Variants in IPO8 observed in about 807,000 individuals in gnomAD.
The protein encoded by IPO8 is importin-8.
In IPO8, 65 loss-of-function variants were observed where a neutral mutation model predicts 141.2. That is an observed-to-expected ratio of 0.46 (90% CI 0.38 to 0.57). The LOEUF is 0.57. Ranked by LOEUF, IPO8 falls within the 20% of genes least tolerant of loss-of-function variation. The probability of loss-of-function intolerance (pLI) is 0.00; values close to 1 mark genes in which losing one functional copy is unlikely to be tolerated. For missense variants in IPO8, 980 were observed against 1,246.8 expected, an observed-to-expected ratio of 0.79 and a Z score of 3.22; for synonymous variants, 411 against 420.3, an observed-to-expected ratio of 0.98 and a Z score of 0.27.
intron 20 of IPO8, 110 bp from the exon 21 acceptor site, chr12:30,639,845 G>A: frequency 1.4e-6 from 1 of 716,520 alleles, no homozygotes; most frequent in Non-Finnish European, 2.4e-6. Flanking sequence ...TAATGGCAAT[G>A]AGACTTTTGA....
At chr12:30,645,031 A>G (rs1168490384) in intron 20 of IPO8, among the ~76,000 whole-genome samples, 1 of 152,162 alleles carries the variant, frequency 6.6e-6, no homozygotes, top group African/African-American at 2.4e-5. Flanking sequence ...AAAGAAAGCT[A>G]TGAGACAATA....
At chr12:30,683,211 A>G (rs1363999114) in intron 3 of IPO8, among the ~76,000 whole-genome samples, 1 of 152,212 alleles carries the variant, frequency 6.6e-6, no homozygotes, top group Non-Finnish European at 1.5e-5. Context: ...ATGGTACCAC[A>G]GGGGTATCAG....
At chr12:30,660,972 T>C (rs1409234790) in intron 16 of IPO8, among the ~76,000 whole-genome samples, 169 bp downstream of exon 16, 1 of 151,056 alleles carries the variant, frequency 6.6e-6, no homozygotes, top group Non-Finnish European at 1.5e-5. Context: ...TATTATAATG[T>C]TACTCAGTCA....
chr12:30,665,336 C>T (rs1256727726), intron 12 of IPO8, 27 bp from the exon 13 acceptor site: 29 of 1,309,792 alleles, frequency 2.2e-5, no homozygotes, highest in Non-Finnish European at 2.8e-5. Flanking sequence ...TTCAACTTAT[C>T]AATTTCTTTT....
intron 3 of IPO8, among the ~76,000 whole-genome samples, chr12:30,682,139 C>T (rs1321364446): frequency 3.3e-5 from 5 of 152,150 alleles, no homozygotes; most frequent in Admixed American, 6.5e-5. Context: ...GTAAAATTTC[C>T]AGCTTATTAT....
At chr12:30,683,595 G>A (rs1247261101) in intron 3 of IPO8, among the ~76,000 whole-genome samples, 1 of 152,130 alleles carries the variant, frequency 6.6e-6, no homozygotes, top group Non-Finnish European at 1.5e-5. Flanking sequence ...CAATAGAGCA[G>A]CTGCTAGTTA....
chr12:30,679,203 C>A (rs1046544596), intron 5 of IPO8, among the ~76,000 whole-genome samples: 1 of 152,140 alleles, frequency 6.6e-6, no homozygotes, highest in South Asian at 2.1e-4. Flanking sequence ...CTTATGTCAG[C>A]ATTGTAATAG....
intron 21 of IPO8, among the ~76,000 whole-genome samples, chr12:30,637,555 C>T (rs1235038721): frequency 6.6e-6 from 1 of 152,150 alleles, no homozygotes; most frequent in Non-Finnish European, 1.5e-5. Flanking sequence ...GTTTCTTAGA[C>T]TCTTCCAACA....
intron 2 of IPO8, among the ~76,000 whole-genome samples, chr12:30,690,076 G>C (rs2136176586): frequency 6.6e-6 from 1 of 152,306 alleles, no homozygotes. Context: ...AGTCACCTGG[G>C]TTAGGAACAT....
intron 17 of IPO8, among the ~76,000 whole-genome samples, chr12:30,653,662 T>C (rs2052758001): frequency 6.6e-6 from 1 of 152,078 alleles, no homozygotes; most frequent in African/African-American, 2.4e-5. Context: ...AATGTTCTTA[T>C]ACTCACAAAT....
intron 5 of IPO8, 175 bp downstream of exon 5, chr12:30,680,307 T>C (rs767598549): frequency 7.1e-5 from 37 of 517,840 alleles, no homozygotes; most frequent in Non-Finnish European, 1.0e-4. Flanking sequence ...GATATGCCAT[T>C]GAGACGATCT....
rs1359519331 is a variant in IPO8 at position 30,690,718 on chromosome 12, G to A, written c.85-141C>T. The A allele has an allele frequency of 3.5e-5, 18 of 507,778 alleles. No individual in the cohort carries two copies. The East Asian group carries it at 3.6e-4, about 10-fold the overall frequency. The allele number at this position is 507,778 out of a possible 1,614,324, so 31.5% of individuals were successfully genotyped here. On this transcript the variant is annotated intron_variant, in intron 1 of 24. Coordinates refer to ENST00000256079, the MANE Select transcript of IPO8 (RefSeq NM_006390.4). ...GACAAACCCTTCAAGGCAAAATGAA[G>A]ATTACTAAAATACTTCAAGTCAAAA...
intron 15 of IPO8, among the ~76,000 whole-genome samples, chr12:30,661,980 C>T (rs985776030): frequency 2.6e-5 from 4 of 152,062 alleles, no homozygotes; most frequent in African/African-American, 9.7e-5. Flanking sequence ...AGAAATGTGT[C>T]GTTAGGCAAT....
chr12:30,692,746 G>A lies in IPO8; in HGVS notation c.85-2169C>T, dbSNP rs1379905355. ...ATATTCCCTCTCAGTCCTCCAGCAC[G>A]CCAAGTTGAGGGCCTTTTCTGAACT... is the stretch of plus-strand genomic sequence containing the variant. On this transcript the variant is annotated intron_variant, in intron 1 of 24. Transcript: ENST00000256079. Among the ~76,000 whole-genome samples the A allele has an allele frequency of 2.0e-5, 3 of 152,006 alleles. No individual in the cohort carries two copies. The South Asian group carries it at 6.2e-4, about 32-fold the overall frequency.
At chr12:30,663,879 A>C (rs935737374) in intron 13 of IPO8, among the ~76,000 whole-genome samples, 2 of 152,204 alleles carry the variant, frequency 1.3e-5, no homozygotes, top group African/African-American at 4.8e-5. Flanking sequence ...TTTCATAGGA[A>C]AGAGAAAAAG....
chr12:30,668,059 AAGAG>A (rs57185367), intron 10 of IPO8, among the ~76,000 whole-genome samples: 18 of 149,516 alleles, frequency 1.2e-4, no homozygotes, highest in South Asian at 4.2e-4. Flanking sequence ...GAACAAAAAA[AAGAG>A]AGAGAGAGAG....
intron 20 of IPO8, among the ~76,000 whole-genome samples, chr12:30,641,862 G>T (rs1386970463): frequency 6.6e-6 from 1 of 152,122 alleles, no homozygotes; most frequent in Non-Finnish European, 1.5e-5. Context: ...AATCGAGTAG[G>T]TTAAGGATAA....
chr12:30,650,048 T>C (rs931255786), intron 19 of IPO8, among the ~76,000 whole-genome samples: 11 of 150,502 alleles, frequency 7.3e-5, no homozygotes, highest in Admixed American at 5.3e-4. Flanking sequence ...AAAAAAAGAC[T>C]TAACGAAGTA....
chr12:30,642,599 A>G (rs1395452536), intron 20 of IPO8, among the ~76,000 whole-genome samples: 1 of 151,574 alleles, frequency 6.6e-6, no homozygotes, highest in Non-Finnish European at 1.5e-5. Flanking sequence ...ATTAGTATAT[A>G]TGTAGCTAAT....
Sources: allele counts gnomAD v4.1 joint callset (sites outside exome capture counted in the v4.1 genomes callset), GRCh38; gene constraint gnomAD v4.1.1; transcripts MANE v1.5; gene names NCBI Gene and HGNC (gene_info 2026-07-23, HGNC 2026-07-21).